The following FAM90A20 variants were observed in gnomAD, a reference collection of about 807,000 sequenced individuals.
FAM90A20 encodes the protein protein FAM90A20.
chr8:7,296,003 G>A, the FAM90A20 span, among the ~76,000 whole-genome samples: 1 of 128,582 alleles, frequency 7.8e-6, no homozygotes, highest in South Asian at 2.3e-4. Context: ...AGCTCCTTGG[G>A]CTCTGGGAGA....
At chr8:7,295,561 C>A in the FAM90A20 span, 2 of 670,714 alleles carry the variant, frequency 3.0e-6, 1 homozygote. Flanking sequence ...CAATCCATCC[C>A]AATGTTAACG....
At chr8:7,295,843 A>G in the FAM90A20 span, 3 of 741,898 alleles carry the variant, frequency 4.0e-6, no homozygotes. Context: ...GAGCAGTGGG[A>G]GGGGTTTTCA....
At chr8:7,297,016 C>T in the FAM90A20 span, 12 of 1,432,546 alleles carry the variant, frequency 8.4e-6, no homozygotes, top group East Asian at 2.0e-4. Flanking sequence ...TTCATGTTGG[C>T]TCCATGCTGA....
chr8:7,296,584 C>T, the FAM90A20 span, among the ~76,000 whole-genome samples: 537 of 135,736 alleles, frequency 4.0e-3, 170 homozygotes, highest in African/African-American at 0.018. Context: ...GCCGTATTTC[C>T]TGTGGCTTTC....
the FAM90A20 span, chr8:7,297,276 G>A: frequency 4.3e-6 from 6 of 1,383,990 alleles, 1 homozygote; most frequent in Admixed American, 3.4e-5. Context: ...CCTGCAGTCA[G>A]GCACCAGGTC....
At chr8:7,296,882 G>A in the FAM90A20 span, among the ~76,000 whole-genome samples, 3 of 136,484 alleles carry the variant, frequency 2.2e-5, 1 homozygote, top group African/African-American at 7.0e-5. Context: ...ATAGCGCATC[G>A]TTCATGTGTC....
At chr8:7,296,199 G>A in the FAM90A20 span, 104 of 654,418 alleles carry the variant, frequency 1.6e-4, 13 homozygotes, top group East Asian at 6.1e-4. Context: ...TGTATCACAA[G>A]ACACGGAATG....
At chr8:7,295,785 C>T in the FAM90A20 span, 20 of 1,244,506 alleles carry the variant, frequency 1.6e-5, 4 homozygotes, top group African/African-American at 5.2e-5. Context: ...GAAGCCAACC[C>T]GGGGCCCTTG....
At chr8:7,295,855 C>A in the FAM90A20 span, 1 of 703,444 alleles carries the variant, frequency 1.4e-6, no homozygotes, top group East Asian at 2.6e-5. Flanking sequence ...GGGTTTTCAC[C>A]ACTCTTAGGG....
the FAM90A20 span, chr8:7,296,475 G>A: frequency 4.0e-5 from 27 of 679,866 alleles, 4 homozygotes; most frequent in East Asian, 6.9e-4. Flanking sequence ...TCCCGTCTGC[G>A]GGAGGAAATC....
the FAM90A20 span, among the ~76,000 whole-genome samples, chr8:7,296,840 A>G: frequency 5.1e-5 from 7 of 136,534 alleles, 2 homozygotes; most frequent in African/African-American, 1.0e-4. Context: ...CTTTTGAACA[A>G]TGGTGTGCTT....
At chr8:7,297,164 G>T in the FAM90A20 span, 1 of 1,534,086 alleles carries the variant, frequency 6.5e-7, no homozygotes, top group Non-Finnish European at 8.8e-7. Context: ...CAGGGGCTCC[G>T]TCTTGGCTTC....
the FAM90A20 span, chr8:7,297,692 C>A: frequency 3.5e-6 from 5 of 1,414,066 alleles, no homozygotes; most frequent in East Asian, 9.0e-5. Context: ...GACACCGGCC[C>A]AGGTGCCCAG....
chr8:7,295,516 C>G, the FAM90A20 span: 3 of 571,374 alleles, frequency 5.3e-6, no homozygotes, highest in African/African-American at 7.0e-5. Context: ...ATGCCGGTGT[C>G]CCCTCTTTGG....
the FAM90A20 span, chr8:7,296,217 G>T: frequency 3.0e-6 from 2 of 664,396 alleles, 1 homozygote; most frequent in East Asian, 5.6e-5. Flanking sequence ...ATGGGGCTGG[G>T]CCCCAGACGG....
the FAM90A20 span, chr8:7,297,748 C>T: frequency 8.1e-6 from 12 of 1,484,156 alleles, 2 homozygotes; most frequent in African/African-American, 4.1e-5. Context: ...TGCCTACTGC[C>T]CAGGCCTGCA....
the FAM90A20 span, chr8:7,297,292 G>C: frequency 3.0e-6 from 4 of 1,351,066 alleles, no homozygotes; most frequent in South Asian, 1.2e-5. Context: ...AGGTCCACGA[G>C]ACTCTCCTCG....
chr8:7,297,743 A>G, the FAM90A20 span: 17 of 1,487,294 alleles, frequency 1.1e-5, 2 homozygotes, highest in African/African-American at 2.0e-5. Flanking sequence ...TTGCCTGCCT[A>G]CTGCCCAGGC....
the FAM90A20 span, among the ~76,000 whole-genome samples, chr8:7,296,719 G>C: frequency 5.2e-5 from 7 of 135,792 alleles, 1 homozygote; most frequent in South Asian, 4.3e-4. Flanking sequence ...CATAGAAGAC[G>C]TCCCGAGTAC....
Sources: gnomAD v4.1 joint callset for allele counts (sites outside exome capture counted in the v4.1 genomes callset) on GRCh38, gnomAD v4.1.1 for gene constraint, MANE v1.5 for transcripts, NCBI Gene and HGNC (gene_info 2026-07-23, HGNC 2026-07-21) for gene names.